Variants in MYO15B observed in about 807,000 individuals in gnomAD.
MYO15B encodes the protein myosin XVB pseudogene.
MYO15B carries 207 observed loss-of-function variants against 119.3 expected under a neutral mutation model. The observed-to-expected ratio is 1.73, with a 90% CI of 1.55 to 1.95. The LOEUF is 1.95. Ranked by LOEUF, MYO15B falls within the 30% of genes most tolerant of loss-of-function variation. The pLI is 0.00. For synonymous variants in MYO15B, 966 were observed against 498.9 expected, an observed-to-expected ratio of 1.94 and a Z score of -12.48; for missense variants, 2,264 against 1,203.1, an observed-to-expected ratio of 1.88 and a Z score of -13.04.
intron 19 of MYO15B, among the ~76,000 whole-genome samples, chr17:75,604,317 C>T (rs2037830047): frequency 6.6e-6 from 1 of 152,160 alleles, no homozygotes; most frequent in Non-Finnish European, 1.5e-5. Context: ...TGCACTGTGG[C>T]ATCCCGTGAC....
chr17:75,603,529 G>A (rs901788726), intron 19 of MYO15B, among the ~76,000 whole-genome samples: 3 of 151,948 alleles, frequency 2.0e-5, no homozygotes, highest in African/African-American at 4.8e-5. Flanking sequence ...CCACGCATTC[G>A]TCATTTCTTC....
At chr17:75,614,892 C>G in intron 32 of MYO15B, 43 bp downstream of exon 32, 3 of 702,900 alleles carry the variant, frequency 4.3e-6, no homozygotes, top group South Asian at 1.5e-5. Context: ...CCCAACCCCC[C>G]GGGGCCTCTG....
intron 14 of MYO15B, among the ~76,000 whole-genome samples, chr17:75,600,096 T>C (rs1011177398): frequency 6.8e-6 from 1 of 147,834 alleles, no homozygotes; most frequent in African/African-American, 2.5e-5. Flanking sequence ...TGATCTCAGC[T>C]CACTGCTGCA....
At chr17:75,588,609 G>A (rs1436406031) in exon 1 of MYO15B, 3 of 399,616 alleles carry the variant, frequency 7.5e-6, no homozygotes, top group Non-Finnish European at 8.9e-6. Flanking sequence ...GGCCCACGCC[G>A]GAGCCTACGG....
chr17:75,597,147 C>T (rs908669855), intron 14 of MYO15B, among the ~76,000 whole-genome samples: 1 of 152,198 alleles, frequency 6.6e-6, no homozygotes, highest in African/African-American at 2.4e-5. Flanking sequence ...TGAGGTTCCT[C>T]ACGTACCTGC....
chr17:75,611,785 G>A (rs771062815), intron 24 of MYO15B, 101 bp from the exon 25 acceptor site: 8 of 692,786 alleles, frequency 1.2e-5, no homozygotes, highest in South Asian at 3.0e-5. Context: ...TTGGGTCCCT[G>A]TGGACAGGGG....
At chr17:75,626,812 G>A (rs929506531) in exon 64 of MYO15B, 17 of 477,522 alleles carry the variant, frequency 3.6e-5, no homozygotes, top group Non-Finnish European at 5.7e-5. Context: ...AGGCATGGGA[G>A]AAACAGCTGC....
At chr17:75,611,510 T>C (rs2058028003) in intron 23 of MYO15B, 91 bp from the exon 24 acceptor site, 10 of 630,048 alleles carry the variant, frequency 1.6e-5, no homozygotes, top group Non-Finnish European at 2.9e-6. Flanking sequence ...TTGGAAGGGA[T>C]GTTTATAATC....
chr17:75,611,122 C>T (rs2058001784), intron 23 of MYO15B, among the ~76,000 whole-genome samples, 163 bp downstream of exon 23: 1 of 152,042 alleles, frequency 6.6e-6, no homozygotes, highest in South Asian at 2.1e-4. Flanking sequence ...CTTGGTTTCC[C>T]TCAGAGGGTC....
intron 19 of MYO15B, among the ~76,000 whole-genome samples, chr17:75,603,958 C>T (rs1323880396): frequency 6.6e-6 from 1 of 152,180 alleles, no homozygotes; most frequent in Non-Finnish European, 1.5e-5. Flanking sequence ...TCCAGCTGAG[C>T]TGGGCTGGTG....
intron 9 of MYO15B, among the ~76,000 whole-genome samples, chr17:75,593,221 G>T (rs1266422232): frequency 1.0e-5 from 1 of 98,222 alleles, no homozygotes; most frequent in Admixed American, 1.2e-4. Context: ...AAAAAAAAAA[G>T]GGTTGGCGGT....
chr17:75,594,643 G>C (rs2056730630), intron 10 of MYO15B, 55 bp downstream of exon 10: 1 of 699,536 alleles, frequency 1.4e-6, no homozygotes, highest in Admixed American at 2.0e-5. Context: ...CACAGGCTGA[G>C]TAAGCACCAT....
chr17:75,603,609 A>G (rs1670996), intron 19 of MYO15B, among the ~76,000 whole-genome samples: 26,025 of 151,826 alleles, frequency 0.17, 3,592 homozygotes, highest in African/African-American at 0.38. Context: ...TACCTGCCCT[A>G]GGCGGGGCTC....
At position 75,625,122 on chromosome 17, in the gene MYO15B, G is replaced by C. The variant is rs1460690347; in HGVS notation, c.8689-1G>C. The C allele has an allele frequency of 8.6e-6, 6 of 694,862 alleles. No homozygotes were observed. The highest frequency in any genetic ancestry group is 1.6e-5 in the Non-Finnish European group (6 of 379,586). 43.0% of individuals were successfully genotyped at this position (694,862 alleles called of 1,614,324 possible). A position where few individuals can be genotyped will look rare whatever the true frequency, so the allele number is the denominator to read the frequency against. On this transcript the variant is annotated splice_acceptor_variant, in intron 59 of 63. Transcript: ENST00000645453. LOFTEE classifies it high-confidence loss of function. Reference sequence around the variant, plus strand: ...CCCTCCTCACCGTGCTCCCCGCACAGGTGCTGTGGGACTACCTTCAGGGGA... The same window carrying C: ...CCCTCCTCACCGTGCTCCCCGCACACGTGCTGTGGGACTACCTTCAGGGGA...
At chr17:75,610,843 G>T (rs563284059) in intron 22 of MYO15B, 57 bp from the exon 23 acceptor site, 174 of 702,410 alleles carry the variant, frequency 2.5e-4, no homozygotes, top group East Asian at 1.6e-3. Flanking sequence ...AGCTGGGGAG[G>T]TGCCCCCAGG....
At chr17:75,622,012 C>G in exon 53 of MYO15B, 3 of 702,950 alleles carry the variant, frequency 4.3e-6, no homozygotes, top group East Asian at 5.4e-5. Context: ...AGCCCTGATG[C>G]GGTTTATGGG....
At chr17:75,617,568 AG>A (rs2058451543) in intron 41 of MYO15B, 7 of 574,136 alleles carry the variant, frequency 1.2e-5, no homozygotes, top group Middle Eastern at 4.5e-4. Flanking sequence ...CAGCTCTGTG[AG>A]GAAGTTAGTG....
chr17:75,603,082 G>C lies in MYO15B; in HGVS notation c.3891+5G>C, dbSNP rs2057387257. On this transcript the variant is annotated splice_donor_5th_base_variant and intron_variant, in intron 18 of 63. Transcript: ENST00000645453. ...CTCACCCCTAACCCTGGAAAGGTGA[G>C]CTCCCCAGCAACTGGCCTCAGGGCC... The C allele has an allele frequency of 1.4e-6, 1 of 703,160 alleles. No homozygotes were observed. The highest frequency in any genetic ancestry group is 2.6e-6 in the Non-Finnish European group (1 of 385,062). 43.6% of individuals were successfully genotyped at this position (703,160 alleles called of 1,614,324 possible). A position where few individuals can be genotyped will look rare whatever the true frequency, so the allele number is the denominator to read the frequency against.
At chr17:75,614,664 G>C (rs1568190977) in exon 31 of MYO15B, 7 of 701,548 alleles carry the variant, frequency 1.0e-5, no homozygotes, top group Non-Finnish European at 1.8e-5. Flanking sequence ...CCCCAACGCT[G>C]CCCAGCAGGG....
Sources: gnomAD v4.1 joint callset for allele counts (sites outside exome capture counted in the v4.1 genomes callset) on GRCh38, gnomAD v4.1.1 for gene constraint, MANE v1.5 for transcripts, NCBI Gene and HGNC (gene_info 2026-07-23, HGNC 2026-07-21) for gene names.